Variants in SLC24A2 observed in about 807,000 individuals in gnomAD.
SLC24A2 encodes the protein solute carrier family 24 member 2, also known as sodium/potassium/calcium exchanger 2.
SLC24A2 carries 36 observed loss-of-function variants against 62.0 expected under a neutral mutation model. The ratio of observed to expected loss-of-function variants is 0.58; its 90% CI spans 0.44 to 0.77. The LOEUF is 0.77. Among genes scored for constraint, SLC24A2 ranks in the 30% least tolerant of loss-of-function variants. The probability of loss-of-function intolerance (pLI) is 0.00; values close to 1 mark genes in which losing one functional copy is unlikely to be tolerated. For missense variants in SLC24A2, 846 were observed against 817.9 expected, an observed-to-expected ratio of 1.03 and a Z score of -0.42; for synonymous variants, 358 against 294.0, an observed-to-expected ratio of 1.22 and a Z score of -2.23.
At chr9:19,587,791 A>G (rs1314540431) in intron 5 of SLC24A2, among the ~76,000 whole-genome samples, 1 of 152,236 alleles carries the variant, frequency 6.6e-6, no homozygotes, top group Non-Finnish European at 1.5e-5. Context: ...AGAAGCATCC[A>G]CAATTTGCCT....
chr9:19,619,842 C>A (rs1297824633), intron 3 of SLC24A2, 150 bp from the exon 4 acceptor site: 14 of 698,834 alleles, frequency 2.0e-5, no homozygotes, highest in Non-Finnish European at 3.4e-5. Flanking sequence ...ATTTCAAAGC[C>A]CCTGAGGGAA....
the SLC24A2 span, among the ~76,000 whole-genome samples, chr9:20,307,280 GA>G: frequency 6.6e-6 from 1 of 152,166 alleles, no homozygotes; most frequent in African/African-American, 2.4e-5. Context: ...ACATGTAAAT[GA>G]AGTGTTTGAG....
intron 2 of SLC24A2, among the ~76,000 whole-genome samples, chr9:19,643,008 T>A (rs909139193): frequency 2.7e-5 from 3 of 112,300 alleles, no homozygotes; most frequent in Non-Finnish European, 5.5e-5. Flanking sequence ...TTTTTTTTTT[T>A]AACATATCTG....
chr9:19,685,516 C>T (rs1179561743), intron 2 of SLC24A2, among the ~76,000 whole-genome samples: 1 of 152,082 alleles, frequency 6.6e-6, no homozygotes, highest in East Asian at 1.9e-4. Flanking sequence ...AACTATACTA[C>T]AAGGCTACAG....
intron 8 of SLC24A2, among the ~76,000 whole-genome samples, chr9:19,540,811 G>A (rs1481111325): frequency 2.0e-5 from 2 of 98,528 alleles, no homozygotes; most frequent in Admixed American, 1.1e-4. Flanking sequence ...TTTCCAACTT[G>A]GTTCCATTCT....
the SLC24A2 span, among the ~76,000 whole-genome samples, chr9:20,306,877 T>C: frequency 6.6e-6 from 1 of 152,026 alleles, no homozygotes; most frequent in Non-Finnish European, 1.5e-5. Flanking sequence ...TTTGTATTTT[T>C]AGTAGAGACG....
the SLC24A2 span, among the ~76,000 whole-genome samples, chr9:20,048,233 T>C: frequency 6.6e-6 from 1 of 152,182 alleles, no homozygotes; most frequent in Non-Finnish European, 1.5e-5. Context: ...GCCTAGCACA[T>C]AGTAGGTATT....
At chr9:19,907,966 C>G in the SLC24A2 span, among the ~76,000 whole-genome samples, 65,672 of 151,888 alleles carry the variant, frequency 0.43, 14,901 homozygotes, top group Middle Eastern at 0.6. Context: ...ACTTTCTTCA[C>G]AGAATTGGAA....
chr9:19,617,046 G>T (rs537422011), intron 4 of SLC24A2, among the ~76,000 whole-genome samples: 1 of 152,134 alleles, frequency 6.6e-6, no homozygotes, highest in Non-Finnish European at 1.5e-5. Context: ...AGATCATGTA[G>T]ACCAGCGGTC....
the SLC24A2 span, chr9:19,957,363 G>C: frequency 6.6e-6 from 1 of 152,180 alleles, no homozygotes; most frequent in African/African-American, 2.4e-5. Flanking sequence ...GTAATAGAAA[G>C]AGCTCTAGAA....
chr9:20,012,345 C>A, the SLC24A2 span, among the ~76,000 whole-genome samples: 2 of 152,184 alleles, frequency 1.3e-5, no homozygotes, highest in African/African-American at 4.8e-5. Context: ...TTTAAACCAT[C>A]AGATCTCGTG....
At chr9:19,888,943 T>G in the SLC24A2 span, among the ~76,000 whole-genome samples, 1 of 152,184 alleles carries the variant, frequency 6.6e-6, no homozygotes, top group Non-Finnish European at 1.5e-5. Flanking sequence ...GACACAGGTA[T>G]CCTGACAACC....
intron 8 of SLC24A2, among the ~76,000 whole-genome samples, chr9:19,530,433 T>C (rs1266324283): frequency 6.6e-6 from 1 of 152,248 alleles, no homozygotes; most frequent in Admixed American, 6.5e-5. Flanking sequence ...CCTCATTTCA[T>C]AGATTGCTCG....
the SLC24A2 span, among the ~76,000 whole-genome samples, chr9:20,061,066 G>C: frequency 6.6e-6 from 1 of 152,116 alleles, no homozygotes; most frequent in African/African-American, 2.4e-5. Flanking sequence ...GACATTCCAT[G>C]TTTATGGATT....
chr9:19,679,529 A>C (rs904067799), intron 2 of SLC24A2, among the ~76,000 whole-genome samples: 2 of 152,106 alleles, frequency 1.3e-5, no homozygotes, highest in Non-Finnish European at 2.9e-5. Context: ...TTTGGAAGGG[A>C]TTAGCATTTG....
chr9:20,277,461 AG>A, the SLC24A2 span, among the ~76,000 whole-genome samples: 1 of 151,692 alleles, frequency 6.6e-6, no homozygotes, highest in South Asian at 2.1e-4. Context: ...GAAGACATTT[AG>A]GCAGCCGCAA....
At chr9:19,627,512 T>C (rs1379686775) in intron 2 of SLC24A2, among the ~76,000 whole-genome samples, 2 of 152,098 alleles carry the variant, frequency 1.3e-5, no homozygotes, top group Non-Finnish European at 2.9e-5. Flanking sequence ...AATCAGAGTC[T>C]CCAAAATTTC....
intron 7 of SLC24A2, among the ~76,000 whole-genome samples, chr9:19,551,995 G>A (rs1010171434): frequency 6.6e-6 from 1 of 152,310 alleles, no homozygotes; most frequent in East Asian, 1.9e-4. Flanking sequence ...TTTGTAAACA[G>A]CAAATATGGT....
chr9:20,057,607 G>A, the SLC24A2 span, among the ~76,000 whole-genome samples: 6 of 152,204 alleles, frequency 3.9e-5, no homozygotes, highest in East Asian at 1.9e-4. Context: ...CTATCAAGCC[G>A]TTGGATGGAG....
Sources: allele counts gnomAD v4.1 joint callset (sites outside exome capture counted in the v4.1 genomes callset), GRCh38; gene constraint gnomAD v4.1.1; transcripts MANE v1.5; gene names NCBI Gene and HGNC (gene_info 2026-07-23, HGNC 2026-07-21).